NYAP2: variants seen among roughly 807,000 people sequenced by gnomAD.
NYAP2 encodes the protein neuronal tyrosine-phosphorylated phosphoinositide-3-kinase adaptor 2.
A neutral mutation model predicts 50.4 loss-of-function variants in NYAP2; 23 were observed. The ratio of observed to expected loss-of-function variants is 0.46; its 90% CI spans 0.33 to 0.65. The LOEUF is 0.65. Among genes scored for constraint, NYAP2 ranks in the 30% least tolerant of loss-of-function variants. The probability of loss-of-function intolerance (pLI) is 0.02; values close to 1 mark genes in which losing one functional copy is unlikely to be tolerated. For synonymous variants in NYAP2, 394 were observed against 365.2 expected, an observed-to-expected ratio of 1.08 and a Z score of -0.90; for missense variants, 885 against 861.0, an observed-to-expected ratio of 1.03 and a Z score of -0.35.
the NYAP2 span, chr2:225,700,261 AAGTGGGAGC>A: frequency 2.6e-5 from 4 of 151,586 alleles, no homozygotes; most frequent in Non-Finnish European, 5.9e-5. Flanking sequence ...GGAAAAAGGT[AAGTGGGAGC>A]AGTGTATGGT....
the NYAP2 span, among the ~76,000 whole-genome samples, chr2:225,680,454 T>C: frequency 1.3e-5 from 2 of 152,260 alleles, no homozygotes; most frequent in African/African-American, 4.8e-5. Context: ...AGGCAATAAT[T>C]TGCATTTTTC....
At chr2:225,512,885 CT>C (rs1690856771) in intron 3 of NYAP2, among the ~76,000 whole-genome samples, 1 of 132,660 alleles carries the variant, frequency 7.5e-6, no homozygotes, top group Non-Finnish European at 1.6e-5. Context: ...TCCTTCCTTC[CT>C]TCCTTCCTTC....
intron 5 of NYAP2, among the ~76,000 whole-genome samples, chr2:225,598,676 A>G (rs970363054): frequency 1.3e-5 from 2 of 152,256 alleles, no homozygotes; most frequent in Non-Finnish European, 2.9e-5. Context: ...AAGCTAGCAT[A>G]GAGAAGGCAA....
At chr2:225,448,348 G>C (rs1013386655) in intron 3 of NYAP2, among the ~76,000 whole-genome samples, 1 of 152,154 alleles carries the variant, frequency 6.6e-6, no homozygotes, top group Non-Finnish European at 1.5e-5. Flanking sequence ...GCGACCAGGG[G>C]AATTAATCAG....
intron 3 of NYAP2, among the ~76,000 whole-genome samples, chr2:225,500,190 C>T (rs1444872229): frequency 6.6e-6 from 1 of 152,154 alleles, no homozygotes; most frequent in Admixed American, 6.5e-5. Context: ...AGGTATTATT[C>T]TGAGGGACTG....
intron 5 of NYAP2, among the ~76,000 whole-genome samples, chr2:225,598,616 G>A (rs1692646471): frequency 6.6e-6 from 1 of 152,204 alleles, no homozygotes; most frequent in South Asian, 2.1e-4. Flanking sequence ...TTTAAAACAT[G>A]TGTGTAACCA....
At chr2:225,467,964 C>T (rs1289811964) in intron 3 of NYAP2, among the ~76,000 whole-genome samples, 1 of 152,028 alleles carries the variant, frequency 6.6e-6, no homozygotes, top group African/African-American at 2.4e-5. Context: ...GTCATTCAAG[C>T]CTATGAGAGT....
intron 5 of NYAP2, among the ~76,000 whole-genome samples, chr2:225,601,699 A>C (rs1211044171): frequency 6.6e-6 from 1 of 152,122 alleles, no homozygotes; most frequent in East Asian, 1.9e-4. Flanking sequence ...ATAAATATCT[A>C]TCCAAGTCCT....
At chr2:225,411,470 C>T (rs1695038210) in intron 3 of NYAP2, among the ~76,000 whole-genome samples, 1 of 151,952 alleles carries the variant, frequency 6.6e-6, no homozygotes, top group Admixed American at 6.6e-5. Context: ...TTTAAATGTC[C>T]AAGTGGAGAT....
chr2:225,689,203 C>T, the NYAP2 span, among the ~76,000 whole-genome samples: 1 of 152,256 alleles, frequency 6.6e-6, no homozygotes, highest in South Asian at 2.1e-4. Flanking sequence ...TAAAGGACAT[C>T]ACTATAGATT....
chr2:225,659,979 G>C, the NYAP2 span, among the ~76,000 whole-genome samples: 3 of 152,144 alleles, frequency 2.0e-5, no homozygotes, highest in Non-Finnish European at 4.4e-5. Flanking sequence ...TCCCCAAGCT[G>C]GTATACAACT....
At chr2:225,621,622 A>C (rs1693104968) in intron 5 of NYAP2, among the ~76,000 whole-genome samples, 1 of 152,164 alleles carries the variant, frequency 6.6e-6, no homozygotes. Context: ...GGGAAATTTT[A>C]TGTTATATGT....
chr2:225,579,819 A>G (rs1692240414), intron 4 of NYAP2, among the ~76,000 whole-genome samples: 2 of 152,200 alleles, frequency 1.3e-5, no homozygotes, highest in Admixed American at 1.3e-4. Context: ...TTCTCTCCAT[A>G]ATCTATGTTG....
chr2:225,414,301 AAG>A (rs921577132), intron 3 of NYAP2, among the ~76,000 whole-genome samples: 5 of 152,328 alleles, frequency 3.3e-5, no homozygotes, highest in African/African-American at 1.2e-4. Context: ...TTTGGTGAGA[AAG>A]AGAGAAAAAG....
At chr2:225,645,561 T>C (rs937272342) in intron 6 of NYAP2, among the ~76,000 whole-genome samples, 1 of 152,272 alleles carries the variant, frequency 6.6e-6, no homozygotes, top group East Asian at 1.9e-4. Context: ...TGATCTTCAC[T>C]AAATTGCACA....
At chr2:225,653,274 A>T (rs951883924) in exon 7 of NYAP2, 2 of 152,072 alleles carry the variant, frequency 1.3e-5, no homozygotes, top group Non-Finnish European at 2.9e-5. Context: ...TATCTCAGAG[A>T]TGTTTTGTAT....
chr2:225,548,908 G>T (rs1227595627), intron 4 of NYAP2, among the ~76,000 whole-genome samples: 1 of 149,390 alleles, frequency 6.7e-6, no homozygotes, highest in East Asian at 2.0e-4. Flanking sequence ...TTTGAGGCAG[G>T]GTCTTGCTCA....
At chr2:225,629,686 G>T (rs554367502) in intron 6 of NYAP2, among the ~76,000 whole-genome samples, 151 of 152,144 alleles carry the variant, frequency 9.9e-4, no homozygotes, top group Non-Finnish European at 2.0e-3. Context: ...AGTTCAAAGG[G>T]GAAGTAGATA....
rs750472721 is a variant in NYAP2, at chr2:225,582,788, C to T, written c.1371C>T (p.Tyr457=). ...TGAGCCTCAAAAGGCCTCCCCCTTA[C>T]GACGCTGTGCATTCGGGCAGCCTCT... is the stretch of plus-strand genomic sequence containing the variant. Residue 457 remains tyrosine, a synonymous_variant, in exon 5 of 7, where the codon TAC becomes TAT. Transcript: ENST00000636099. The surrounding 1 kb of genome is among the most constrained non-coding windows in gnomAD (Gnocchi z 7.0). The T allele has an allele frequency of 6.8e-6, 11 of 1,613,816 alleles. No homozygotes were observed. Among genetic ancestry groups the T allele is most frequent in the Non-Finnish European group, 8.5e-6 (10 of 1,179,892 alleles).
Sources: allele counts gnomAD v4.1 joint callset (sites outside exome capture counted in the v4.1 genomes callset), GRCh38; gene constraint gnomAD v4.1.1; non-coding constraint Gnocchi (gnomAD v3.1); transcripts MANE v1.5; gene names NCBI Gene and HGNC (gene_info 2026-07-23, HGNC 2026-07-21).